MAGI2: variants seen among roughly 807,000 people sequenced by gnomAD.
The protein encoded by MAGI2 is membrane associated guanylate kinase, WW and PDZ domain containing 2.
A neutral mutation model predicts 133.3 loss-of-function variants in MAGI2; 35 were observed. The observed-to-expected ratio is 0.26, with a 90% CI of 0.20 to 0.35. MAGI2 has a LOEUF of 0.35. Among genes scored for constraint, MAGI2 ranks in the 10% least tolerant of loss-of-function variants. The pLI, the probability that MAGI2 is intolerant of heterozygous loss-of-function variation, is 1.00. For synonymous variants in MAGI2, 729 were observed against 710.6 expected (o/e 1.03, Z -0.41); for missense variants, 1,636 against 1,863.4 (o/e 0.88, Z 2.25).
intron 9 of MAGI2, among the ~76,000 whole-genome samples, chr7:78,333,827 G>A (rs1370077764): frequency 6.6e-6 from 1 of 152,220 alleles, no homozygotes; most frequent in African/African-American, 2.4e-5. Context: ...AGGAAGTCTA[G>A]TAGGAGACAG....
chr7:79,344,395 C>T (rs1311942446), intron 1 of MAGI2, among the ~76,000 whole-genome samples: 1 of 151,954 alleles, frequency 6.6e-6, no homozygotes, highest in African/African-American at 2.4e-5. Context: ...TACAAAATAA[C>T]TCATAAGATT....
chr7:79,032,267 A>C (rs948693756), intron 1 of MAGI2, among the ~76,000 whole-genome samples: 4 of 152,192 alleles, frequency 2.6e-5, no homozygotes, highest in Non-Finnish European at 5.9e-5. Context: ...CTGTAATCCC[A>C]GAACTTTGGA....
At chr7:79,059,209 T>C (rs1554346008) in intron 1 of MAGI2, among the ~76,000 whole-genome samples, 1 of 152,094 alleles carries the variant, frequency 6.6e-6, no homozygotes, top group African/African-American at 2.4e-5. Context: ...TGATTTTTTT[T>C]GTAGCACAAT....
intron 1 of MAGI2, among the ~76,000 whole-genome samples, chr7:79,245,098 T>A (rs577052156): frequency 6.6e-6 from 1 of 152,314 alleles, no homozygotes; most frequent in Admixed American, 6.5e-5. Context: ...TAAAGAGCAC[T>A]TGGTCCCTGA....
chr7:79,061,526 C>G (rs962601262), intron 1 of MAGI2, among the ~76,000 whole-genome samples: 1 of 151,604 alleles, frequency 6.6e-6, no homozygotes, highest in African/African-American at 2.4e-5. Flanking sequence ...AATAAGGACC[C>G]GCTCAGGCTA....
At chr7:78,176,388 T>C (rs3823781) in intron 14 of MAGI2, among the ~76,000 whole-genome samples, 17,629 of 152,082 alleles carry the variant, frequency 0.12, 1,310 homozygotes, top group Non-Finnish European at 0.15. Context: ...CGGAAATAAG[T>C]CTTTTTTTCC....
chr7:78,919,264 C>G (rs1799043718), intron 2 of MAGI2, among the ~76,000 whole-genome samples: 1 of 151,992 alleles, frequency 6.6e-6, no homozygotes, highest in Non-Finnish European at 1.5e-5. Context: ...AAAGCAGTAG[C>G]AAGTCTTTAA....
intron 20 of MAGI2, among the ~76,000 whole-genome samples, chr7:78,080,930 A>C (rs908221042): frequency 6.6e-6 from 1 of 152,032 alleles, no homozygotes; most frequent in Non-Finnish European, 1.5e-5. Flanking sequence ...AGGCCTTTAC[A>C]TGGTTATTCC....
At chr7:78,664,476 G>A (rs138835302) in intron 2 of MAGI2, among the ~76,000 whole-genome samples, 21 of 151,786 alleles carry the variant, frequency 1.4e-4, no homozygotes, top group African/African-American at 3.1e-4. Flanking sequence ...TCTTTTTTTA[G>A]ATCTTAATCA....
intron 9 of MAGI2, among the ~76,000 whole-genome samples, chr7:78,271,779 C>T (rs1010877084): frequency 6.6e-6 from 1 of 152,144 alleles, no homozygotes; most frequent in African/African-American, 2.4e-5. Context: ...GTTTGTATTT[C>T]TGTGGGATCG....
At chr7:79,152,881 G>A (rs1026652208) in intron 1 of MAGI2, among the ~76,000 whole-genome samples, 4 of 152,008 alleles carry the variant, frequency 2.6e-5, no homozygotes, top group Non-Finnish European at 1.5e-5. Context: ...CAGACTTAAG[G>A]TATCAATTTC....
At chr7:79,224,680 C>G (rs572905042) in intron 1 of MAGI2, among the ~76,000 whole-genome samples, 3 of 150,998 alleles carry the variant, frequency 2.0e-5, no homozygotes, top group South Asian at 4.1e-4. Flanking sequence ...ATGGGTGACT[C>G]TCATATGCTT....
intron 1 of MAGI2, among the ~76,000 whole-genome samples, chr7:79,255,702 G>T (rs1833632143): frequency 6.6e-6 from 1 of 152,082 alleles, no homozygotes; most frequent in Non-Finnish European, 1.5e-5. Context: ...GTAAGTCACT[G>T]CCTGGGGTGG....
chr7:79,343,757 T>C (rs1475221859), intron 1 of MAGI2, among the ~76,000 whole-genome samples: 3 of 152,192 alleles, frequency 2.0e-5, no homozygotes, highest in Non-Finnish European at 4.4e-5. Flanking sequence ...GTTTTCATTT[T>C]CAATAGATCA....
chr7:78,310,098 TAA>T (rs1798571939), intron 9 of MAGI2, among the ~76,000 whole-genome samples: 1 of 152,160 alleles, frequency 6.6e-6, no homozygotes, highest in Non-Finnish European at 1.5e-5. Flanking sequence ...CTAATTAAAA[TAA>T]GTTTTTTATT....
intron 1 of MAGI2, among the ~76,000 whole-genome samples, chr7:79,106,829 ATC>A (rs745847072): frequency 1.3e-5 from 2 of 152,138 alleles, no homozygotes; most frequent in Non-Finnish European, 2.9e-5. Flanking sequence ...GTAATCTCTG[ATC>A]TCTTTCTTTC....
Position 78,343,730 on chromosome 7 carries a change from GA to G in MAGI2, c.1408+47del, listed in dbSNP as rs1012531239. 4.4e-6 allele frequency: 6 copies of G among 1,372,902 alleles called. No homozygotes were observed. The South Asian group carries it at 8.4e-5, about 19-fold the overall frequency. 85.0% of individuals were successfully genotyped at this position (1,372,902 alleles called of 1,614,324 possible). ...AAGAAGCTCCTTATATTTGCCTTCA[GA>G]AAAAAAGATGTTGCAAAACAATTTT... On this transcript the variant is annotated intron_variant, in intron 9 of 21. Transcript: ENST00000354212.
chr7:79,278,828 A>G (rs536736666), intron 1 of MAGI2, among the ~76,000 whole-genome samples: 1 of 152,272 alleles, frequency 6.6e-6, no homozygotes, highest in Admixed American at 6.5e-5. Context: ...TGGGGGAATA[A>G]TATCTAATTT....
In MAGI2 at chr7:78,462,471, G is replaced by C. The variant is rs113014765; in HGVS notation, c.1045+27290C>G. Among the ~76,000 whole-genome samples the C allele has an allele frequency of 5.2e-3, 799 of 152,296 alleles. 8 individuals are homozygous for C. The highest frequency in any genetic ancestry group is 0.018 in the African/African-American group (758 of 41,554). On this transcript the variant is annotated intron_variant, in intron 6 of 21. Coordinates refer to ENST00000354212, the MANE Select transcript of MAGI2 (RefSeq NM_012301.4). ...AATCTAACACTAGAAATAATGATGA[G>C]AGGAGGAGAGCCCTCAAGGCATTTT...
Sources: allele counts gnomAD v4.1 joint callset (sites outside exome capture counted in the v4.1 genomes callset), GRCh38; gene constraint gnomAD v4.1.1; transcripts MANE v1.5; gene names NCBI Gene and HGNC (gene_info 2026-07-23, HGNC 2026-07-21).